Variants in ANKS1B observed in about 807,000 individuals in gnomAD.
ANKS1B encodes ankyrin repeat and sterile alpha motif domain containing 1B.
ANKS1B carries 36 observed loss-of-function variants against 148.3 expected under a neutral mutation model. That is an observed-to-expected ratio of 0.24 (90% CI 0.19 to 0.32). The LOEUF is 0.32. Ranked by LOEUF, ANKS1B falls within the 10% of genes least tolerant of loss-of-function variation. ANKS1B has a pLI of 1.00. For missense variants in ANKS1B, 1,157 were observed against 1,542.6 expected (o/e 0.75, Z 4.19); for synonymous variants, 542 against 560.8 (o/e 0.97, Z 0.47).
chr12:99,184,587 T>C (rs1198384806), intron 14 of ANKS1B, among the ~76,000 whole-genome samples: 1 of 152,230 alleles, frequency 6.6e-6, no homozygotes, highest in East Asian at 1.9e-4. Context: ...TTTTGTCTAT[T>C]TCAAAATATC....
chr12:99,206,094 G>C (rs1215442952), intron 14 of ANKS1B, among the ~76,000 whole-genome samples: 1 of 152,142 alleles, frequency 6.6e-6, no homozygotes, highest in Non-Finnish European at 1.5e-5. Context: ...ATGTAAAATA[G>C]GGTAGCACCT....
At chr12:98,999,234 C>T (rs2099931468) in intron 17 of ANKS1B, among the ~76,000 whole-genome samples, 1 of 128,332 alleles carries the variant, frequency 7.8e-6, no homozygotes, top group African/African-American at 2.8e-5. Flanking sequence ...ATGGCAGAGT[C>T]AACTTTCGGT....
chr12:98,791,085 G>A (rs578212930), intron 22 of ANKS1B, among the ~76,000 whole-genome samples: 9 of 152,296 alleles, frequency 5.9e-5, no homozygotes, highest in South Asian at 2.1e-4. Flanking sequence ...GGTGGCTCAC[G>A]CCTGTAATCC....
At chr12:98,891,232 A>G (rs201415) in intron 17 of ANKS1B, among the ~76,000 whole-genome samples, 1,669 of 152,348 alleles carry the variant, frequency 0.011, 16 homozygotes, top group Middle Eastern at 0.017. Context: ...TGCATTTCCT[A>G]TTTCCATATG....
At chr12:99,778,745 C>T (rs1408799195) in intron 6 of ANKS1B, among the ~76,000 whole-genome samples, 1 of 152,128 alleles carries the variant, frequency 6.6e-6, no homozygotes, top group South Asian at 2.1e-4. Context: ...ATTGTAGGGG[C>T]ATGAACTTCC....
At chr12:99,148,877 T>C (rs1176403491) in intron 15 of ANKS1B, among the ~76,000 whole-genome samples, 2 of 152,130 alleles carry the variant, frequency 1.3e-5, no homozygotes, top group Middle Eastern at 3.2e-3. Flanking sequence ...TTTGTAACTA[T>C]TGGCTTAAAT....
At chr12:99,491,846 T>C (rs1385910835) in intron 10 of ANKS1B, among the ~76,000 whole-genome samples, 1 of 152,168 alleles carries the variant, frequency 6.6e-6, no homozygotes, top group African/African-American at 2.4e-5. Flanking sequence ...GAAATCAAGA[T>C]GTTCTTTGAA....
At chr12:99,789,035 G>A (rs747025591) in intron 4 of ANKS1B, among the ~76,000 whole-genome samples, 1 of 152,106 alleles carries the variant, frequency 6.6e-6, no homozygotes, top group African/African-American at 2.4e-5. Flanking sequence ...GGGTCTGGGG[G>A]AACTCACTGC....
At chr12:98,934,839 C>T (rs2099816984) in intron 17 of ANKS1B, among the ~76,000 whole-genome samples, 1 of 151,470 alleles carries the variant, frequency 6.6e-6, no homozygotes, top group Non-Finnish European at 1.5e-5. Context: ...ACCAACTTTA[C>T]TGAATTCATT....
At chr12:99,466,280 T>C (rs1326596374) in intron 10 of ANKS1B, among the ~76,000 whole-genome samples, 1 of 152,072 alleles carries the variant, frequency 6.6e-6, no homozygotes, top group East Asian at 1.9e-4. Flanking sequence ...CTGGGACACA[T>C]TCAAAGCAGT....
intron 14 of ANKS1B, among the ~76,000 whole-genome samples, chr12:99,187,906 A>G (rs1236880015): frequency 1.3e-5 from 2 of 152,190 alleles, no homozygotes; most frequent in Non-Finnish European, 2.9e-5. Flanking sequence ...ACAAATTGGA[A>G]AAAGAGTCAA....
intron 9 of ANKS1B, among the ~76,000 whole-genome samples, chr12:99,650,873 C>T (rs892106658): frequency 6.1e-5 from 9 of 147,364 alleles, no homozygotes; most frequent in African/African-American, 2.3e-4. Flanking sequence ...AAAGTCTGCT[C>T]GAGTCTAAAG....
chr12:98,931,140 T>C (rs546772773), intron 17 of ANKS1B, among the ~76,000 whole-genome samples: 12 of 152,312 alleles, frequency 7.9e-5, no homozygotes, highest in South Asian at 4.1e-4. Flanking sequence ...AACCTGATTC[T>C]GTCCATCATG....
At chr12:99,315,601 T>C (rs920365539) in intron 12 of ANKS1B, among the ~76,000 whole-genome samples, 3 of 152,214 alleles carry the variant, frequency 2.0e-5, no homozygotes, top group Non-Finnish European at 4.4e-5. Flanking sequence ...AACATAAAAT[T>C]CATCCTTTTA....
At position 99,123,633 on chromosome 12, in the gene ANKS1B, C is replaced by T. The variant is rs887547180; in HGVS notation, c.2526+30656G>A. On this transcript the variant is annotated intron_variant, in intron 15 of 26. Transcript: ENST00000683438. ...CAGCTTTCAGTCTGTGGCCTAAGGCCCGAGAGCCCCTGGCAAATCACTGGT... is the reference window on the plus strand; with the variant it reads ...CAGCTTTCAGTCTGTGGCCTAAGGCTCGAGAGCCCCTGGCAAATCACTGGT... 6.6e-5 allele frequency among the ~76,000 whole-genome samples: 10 copies of T among 152,276 alleles called. 1 individual carries two copies. Among genetic ancestry groups the T allele is most frequent in the African/African-American group, 2.4e-4 (10 of 41,574 alleles).
At chr12:99,363,475 A>G (rs982766098) in intron 12 of ANKS1B, among the ~76,000 whole-genome samples, 9 of 152,184 alleles carry the variant, frequency 5.9e-5, no homozygotes, top group Non-Finnish European at 1.3e-4. Flanking sequence ...GAAATTTAAT[A>G]AGGTGAAATT....
In ANKS1B at chr12:99,648,112, G is replaced by A. The variant is rs938078020; in HGVS notation, c.1272+6955C>T. ...GAGTAGCCAAGGAAACAGGATGCCCGCTAAAGCATGTTAAGGAAGGTGTGG... is the reference window on the plus strand; with the variant it reads ...GAGTAGCCAAGGAAACAGGATGCCCACTAAAGCATGTTAAGGAAGGTGTGG... On this transcript the variant is annotated intron_variant, in intron 9 of 26. Transcript: ENST00000683438. 4.6e-5 allele frequency: 72 copies of A among 1,555,640 alleles called. No individual in the cohort carries two copies. In the East Asian group the frequency reaches 6.8e-4, roughly 15 times the overall value.
chr12:99,351,438 T>A (rs1044598210), intron 12 of ANKS1B, among the ~76,000 whole-genome samples: 2 of 152,046 alleles, frequency 1.3e-5, no homozygotes, highest in African/African-American at 4.8e-5. Flanking sequence ...TTAACTTTTT[T>A]TTTTTATTTT....
intron 17 of ANKS1B, among the ~76,000 whole-genome samples, chr12:98,892,631 T>A (rs1057275913): frequency 6.6e-6 from 1 of 152,270 alleles, no homozygotes; most frequent in African/African-American, 2.4e-5. Context: ...TGTTAGTAAC[T>A]ATTCAGAGAT....
Sources: gnomAD v4.1 joint callset for allele counts (sites outside exome capture counted in the v4.1 genomes callset) on GRCh38, gnomAD v4.1.1 for gene constraint, MANE v1.5 for transcripts, NCBI Gene and HGNC (gene_info 2026-07-23, HGNC 2026-07-21) for gene names.